Variants in PLEK observed in about 807,000 individuals in gnomAD.
The protein encoded by PLEK is platelet 47 kDa protein.
PLEK carries 25 observed loss-of-function variants against 43.9 expected under a neutral mutation model. That is an observed-to-expected ratio of 0.57 (90% CI 0.41 to 0.79). The LOEUF is 0.79. Among genes scored for constraint, PLEK ranks in the 30% least tolerant of loss-of-function variants. PLEK has a pLI of 0.00. For synonymous variants in PLEK, 152 were observed against 144.4 expected, an observed-to-expected ratio of 1.05 and a Z score of -0.38; for missense variants, 396 against 413.3, an observed-to-expected ratio of 0.96 and a Z score of 0.36.
intron 6 of PLEK, among the ~76,000 whole-genome samples, chr2:68,391,846 C>T (rs1673865306): frequency 6.6e-6 from 1 of 152,142 alleles, no homozygotes; most frequent in South Asian, 2.1e-4. Flanking sequence ...TTTTTGGCTT[C>T]TGGAGTTAAG....
chr2:68,368,167 G>A (rs939847445), intron 1 of PLEK, among the ~76,000 whole-genome samples: 2 of 152,182 alleles, frequency 1.3e-5, no homozygotes, highest in Admixed American at 1.3e-4. Flanking sequence ...GTGGTTAAGA[G>A]GGGGAGGGAA....
intron 1 of PLEK, among the ~76,000 whole-genome samples, chr2:68,378,745 A>C: frequency 6.6e-6 from 1 of 152,214 alleles, no homozygotes; most frequent in East Asian, 1.9e-4. Flanking sequence ...TATGTTCTAG[A>C]AATCTCTGAG....
intron 6 of PLEK, 142 bp downstream of exon 6, chr2:68,388,633 C>A: frequency 1.9e-6 from 1 of 534,966 alleles, no homozygotes; most frequent in South Asian, 2.7e-5. Context: ...AGATGAGTAG[C>A]TCTTTAGATA....
chr2:68,390,033 T>C (rs1262494552), intron 6 of PLEK, among the ~76,000 whole-genome samples: 1 of 53,196 alleles, frequency 1.9e-5, no homozygotes, highest in East Asian at 1.4e-3. Context: ...AAGCCAAGGA[T>C]GAAGGCTAAC....
At chr2:68,383,549 T>A (rs947585689) in intron 4 of PLEK, among the ~76,000 whole-genome samples, 19 of 152,034 alleles carry the variant, frequency 1.2e-4, no homozygotes, top group Admixed American at 2.0e-4. Context: ...GAGCAGAGGA[T>A]GGGCAAAGGA....
Position 68,393,251 on chromosome 2 carries a change from G to A in PLEK, c.846+6G>A. 6.4e-7 allele frequency: 1 copy of A among 1,569,260 alleles called. No individual in the cohort carries two copies. Among genetic ancestry groups the A allele is most frequent in the Non-Finnish European group, 8.8e-7 (1 of 1,139,294 alleles). On this transcript the variant is annotated splice_donor_region_variant and intron_variant, in intron 7 of 8. Coordinates refer to ENST00000234313, the MANE Select transcript of PLEK (RefSeq NM_002664.3). The stretch of plus-strand genomic sequence containing the variant: ...ACTACTATGACCCTGCTGGGGTAAG[G>A]TCCTGTGGTTCATAAATCCATTCAA...
intron 1 of PLEK, among the ~76,000 whole-genome samples, chr2:68,376,974 T>G (rs1673517924): frequency 6.6e-6 from 1 of 152,088 alleles, no homozygotes; most frequent in Non-Finnish European, 1.5e-5. Flanking sequence ...TGTCCATGAG[T>G]TCAGTTGTTT....
intron 4 of PLEK, among the ~76,000 whole-genome samples, chr2:68,383,220 C>T (rs919941886): frequency 2.0e-5 from 3 of 152,322 alleles, no homozygotes; most frequent in Admixed American, 2.0e-4. Context: ...AATCACAGTG[C>T]ACCTACCTCA....
In PLEK at chr2:68,380,308, T is replaced by C; in HGVS notation, c.43-20T>C. On this transcript the variant is annotated intron_variant, in intron 1 of 8. Coordinates refer to ENST00000234313, the MANE Select transcript of PLEK (RefSeq NM_002664.3). Reference sequence around the variant, plus strand: ...TGCAAAGAGCCCTGTCCATCTCAGCTCTTTTGGTTGTCATTACAGGGGAGC... The same window carrying C: ...TGCAAAGAGCCCTGTCCATCTCAGCCCTTTTGGTTGTCATTACAGGGGAGC... 6.3e-7 allele frequency: 1 copy of C among 1,597,364 alleles called. No individual in the cohort carries two copies. The highest frequency in any genetic ancestry group is 8.6e-7 in the Non-Finnish European group (1 of 1,168,494).
chr2:68,375,272 C>T (rs916567119), intron 1 of PLEK, among the ~76,000 whole-genome samples: 5 of 152,136 alleles, frequency 3.3e-5, no homozygotes, highest in Non-Finnish European at 5.9e-5. Context: ...TTTGAATCTG[C>T]ATTTTCCTGA....
chr2:68,373,263 G>C (rs945901785), intron 1 of PLEK, among the ~76,000 whole-genome samples: 7 of 152,074 alleles, frequency 4.6e-5, no homozygotes, highest in African/African-American at 1.7e-4. Context: ...AGGCCTGGAA[G>C]GATGTTTAAG....
chr2:68,385,568 C>G (rs1469488994), intron 4 of PLEK, among the ~76,000 whole-genome samples: 1 of 151,806 alleles, frequency 6.6e-6, no homozygotes, highest in Non-Finnish European at 1.5e-5. Flanking sequence ...CCTCCCTCCT[C>G]CTCTTATTTC....
At chr2:68,374,619 A>C (rs937664086) in intron 1 of PLEK, among the ~76,000 whole-genome samples, 2 of 152,196 alleles carry the variant, frequency 1.3e-5, no homozygotes, top group African/African-American at 4.8e-5. Context: ...CACACAGATA[A>C]AGACAGAGAC....
chr2:68,371,264 T>C (rs1298518619), intron 1 of PLEK, among the ~76,000 whole-genome samples: 1 of 152,226 alleles, frequency 6.6e-6, no homozygotes, highest in African/African-American at 2.4e-5. Flanking sequence ...AAAACTGTTT[T>C]CCTGAAACCT....
chr2:68,394,743 G>T (rs755505102), intron 8 of PLEK, among the ~76,000 whole-genome samples: 1 of 152,278 alleles, frequency 6.6e-6, no homozygotes, highest in African/African-American at 2.4e-5. Context: ...TGCACTAGAG[G>T]ACCCCAGACC....
intron 6 of PLEK, among the ~76,000 whole-genome samples, chr2:68,391,156 G>A (rs60426429): frequency 9.9e-5 from 15 of 152,272 alleles, no homozygotes; most frequent in African/African-American, 3.1e-4. Flanking sequence ...ATACTCCTTA[G>A]AAAATGCTCA....
chr2:68,392,146 A>C (rs1673872168), intron 6 of PLEK, among the ~76,000 whole-genome samples: 8 of 141,526 alleles, frequency 5.7e-5, no homozygotes, highest in East Asian at 4.0e-4. Context: ...CCTTCCTCCT[A>C]CCTTCCTCCC....
chr2:68,386,796 G>C (rs934720526), intron 5 of PLEK, 110 bp downstream of exon 5: 4 of 786,540 alleles, frequency 5.1e-6, no homozygotes, highest in Non-Finnish European at 8.3e-6. Flanking sequence ...CAGCGGGTAG[G>C]GAGGTCAGCC....
intron 1 of PLEK, among the ~76,000 whole-genome samples, chr2:68,372,486 T>C (rs1673429583): frequency 6.6e-6 from 1 of 152,186 alleles, no homozygotes; most frequent in South Asian, 2.1e-4. Context: ...GAGAAGTTTA[T>C]TTTTAATATG....
Sources: gnomAD v4.1 joint callset for allele counts (sites outside exome capture counted in the v4.1 genomes callset) on GRCh38, gnomAD v4.1.1 for gene constraint, MANE v1.5 for transcripts, NCBI Gene and HGNC (gene_info 2026-07-23, HGNC 2026-07-21) for gene names.